MGMT: variants seen among roughly 807,000 people sequenced by gnomAD.
The protein encoded by MGMT is methylated-DNA--protein-cysteine methyltransferase.
In MGMT, 14 loss-of-function variants were observed where a neutral mutation model predicts 15.9. The ratio of observed to expected loss-of-function variants is 0.88; its 90% confidence interval spans 0.58 to 1.37. The LOEUF (loss-of-function observed/expected upper bound fraction) is 1.37, where lower values mean the gene tolerates loss of function less well. MGMT is among the 40% of genes most tolerant of loss of function. The probability of loss-of-function intolerance (pLI) is 0.00; values close to 1 mark genes in which losing one functional copy is unlikely to be tolerated. For missense variants in MGMT, 282 were observed against 268.1 expected (o/e 1.05, Z -0.36); for synonymous variants, 130 against 118.2 (o/e 1.10, Z -0.65).
intron 1 of MGMT, among the ~76,000 whole-genome samples, chr10:129,528,294 GC>G (rs763898701): frequency 9.9e-5 from 15 of 152,148 alleles, no homozygotes; most frequent in Non-Finnish European, 1.8e-4. Context: ...ACAAGGAGAA[GC>G]CTAGCCAGCC....
chr10:129,523,726 G>A (rs1415364889), intron 1 of MGMT, among the ~76,000 whole-genome samples: 1 of 150,094 alleles, frequency 6.7e-6, no homozygotes, highest in African/African-American at 2.5e-5. Context: ...TTAAAGGACA[G>A]CCACAGTCCT....
intron 2 of MGMT, among the ~76,000 whole-genome samples, chr10:129,550,368 G>A (rs1048800993): frequency 2.2e-5 from 3 of 136,834 alleles, no homozygotes; most frequent in Admixed American, 7.3e-5. Flanking sequence ...AGCCACCACC[G>A]CCACCCAGCA....
At chr10:129,514,996 T>C (rs1845722998) in intron 1 of MGMT, among the ~76,000 whole-genome samples, 1 of 152,078 alleles carries the variant, frequency 6.6e-6, no homozygotes, top group Non-Finnish European at 1.5e-5. Context: ...GTGTCAGGTA[T>C]TGGGGGTCAT....
At chr10:129,741,350 C>G (rs544035257) in intron 3 of MGMT, among the ~76,000 whole-genome samples, 3 of 152,278 alleles carry the variant, frequency 2.0e-5, no homozygotes, top group African/African-American at 7.2e-5. Flanking sequence ...ACGGCAACAC[C>G]CGGGAGGCTG....
At chr10:129,639,656 C>T (rs1041022415) in intron 2 of MGMT, among the ~76,000 whole-genome samples, 1 of 152,042 alleles carries the variant, frequency 6.6e-6, no homozygotes, top group Non-Finnish European at 1.5e-5. Flanking sequence ...AAAGCACAAC[C>T]TATCAAAAGC....
Position 129,767,001 on chromosome 10 carries a change from T to C in MGMT, c.*4T>C, listed in dbSNP as rs778524073. On this transcript the variant is annotated 3_prime_UTR_variant, in exon 5 of 5. Coordinates refer to ENST00000651593, the MANE Select transcript of MGMT (RefSeq NM_002412.5). ...CCCGCCTGCTGGCCGAAACTGAGTA[T>C]GTGCAGTAGGATGGATGTTTGAGCG... The C allele has an allele frequency of 1.9e-6, 3 of 1,586,958 alleles. No homozygotes were observed. Among genetic ancestry groups the C allele is most frequent in the Non-Finnish European group, 1.7e-6 (2 of 1,166,390 alleles).
intron 2 of MGMT, among the ~76,000 whole-genome samples, chr10:129,692,791 C>A (rs1324827314): frequency 6.6e-6 from 1 of 152,206 alleles, no homozygotes; most frequent in African/African-American, 2.4e-5. Context: ...GAGGTCACTT[C>A]ACATGTACAT....
intron 2 of MGMT, among the ~76,000 whole-genome samples, chr10:129,550,448 CTT>C (rs58863411): frequency 0.019 from 2,548 of 131,130 alleles, 28 homozygotes; most frequent in Non-Finnish European, 0.023. Flanking sequence ...TGTTTTGATT[CTT>C]TTTTTTTTTT....
At chr10:129,492,267 A>G (rs1365914639) in intron 1 of MGMT, among the ~76,000 whole-genome samples, 2 of 152,068 alleles carry the variant, frequency 1.3e-5, no homozygotes, top group Non-Finnish European at 1.5e-5. Context: ...CAGCCTGTAA[A>G]TGCTTTGGGA....
chr10:129,708,085 T>G, intron 3 of MGMT, 42 bp downstream of exon 3: 1 of 1,576,970 alleles, frequency 6.3e-7, no homozygotes, highest in Non-Finnish European at 8.6e-7. Context: ...TTGGGGAGCT[T>G]GACTTATTAA....
intron 2 of MGMT, among the ~76,000 whole-genome samples, chr10:129,581,239 G>A (rs576904461): frequency 6.6e-6 from 1 of 152,262 alleles, no homozygotes; most frequent in Admixed American, 6.5e-5. Flanking sequence ...CATCCGCTGT[G>A]GCTGAGTTCT....
At chr10:129,643,560 G>A (rs56350070) in intron 2 of MGMT, among the ~76,000 whole-genome samples, 3,922 of 152,206 alleles carry the variant, frequency 0.026, 81 homozygotes, top group South Asian at 0.061. Flanking sequence ...TCTTTCCAGC[G>A]GGGCGGGACA....
At chr10:129,635,627 C>T (rs769344339) in intron 2 of MGMT, among the ~76,000 whole-genome samples, 3 of 152,118 alleles carry the variant, frequency 2.0e-5, no homozygotes, top group Non-Finnish European at 4.4e-5. Context: ...TTGTAAGATA[C>T]ATAATTTAAA....
chr10:129,727,052 C>T lies in MGMT; in HGVS notation c.274+19009C>T, dbSNP rs1221536865. ...AAGTTGTGACATTTGGCCCAGGGTT[C>T]CCTGCTGAATTCTGAAATACCATGA... On this transcript the variant is annotated intron_variant, in intron 3 of 4. Transcript: ENST00000651593. 3.3e-5 allele frequency among the ~76,000 whole-genome samples: 5 copies of T among 152,148 alleles called. No homozygotes were observed. The East Asian group carries it at 9.6e-4, about 29-fold the overall frequency.
At chr10:129,589,284 A>G (rs1428628804) in intron 2 of MGMT, among the ~76,000 whole-genome samples, 1 of 152,198 alleles carries the variant, frequency 6.6e-6, no homozygotes, top group East Asian at 1.9e-4. Context: ...GCCAGGCCTC[A>G]AGCCGCCTGG....
At chr10:129,748,089 C>T (rs920664498) in intron 3 of MGMT, among the ~76,000 whole-genome samples, 1 of 152,188 alleles carries the variant, frequency 6.6e-6, no homozygotes, top group African/African-American at 2.4e-5. Flanking sequence ...CCCCTGCGTA[C>T]TGCACTCGTC....
chr10:129,671,835 A>G (rs905640851), intron 2 of MGMT, among the ~76,000 whole-genome samples: 1 of 152,234 alleles, frequency 6.6e-6, no homozygotes, highest in African/African-American at 2.4e-5. Flanking sequence ...GCATTCATGT[A>G]GAACTGTGTG....
At chr10:129,545,798 GT>G (rs1846092156) in intron 2 of MGMT, among the ~76,000 whole-genome samples, 1 of 152,136 alleles carries the variant, frequency 6.6e-6, no homozygotes, top group Admixed American at 6.5e-5. Flanking sequence ...TTTCAGTTTT[GT>G]TTTAAAAGTG....
chr10:129,650,311 G>A (rs1847442146), intron 2 of MGMT, among the ~76,000 whole-genome samples: 1 of 152,152 alleles, frequency 6.6e-6, no homozygotes, highest in South Asian at 2.1e-4. Context: ...TAAATCTGGT[G>A]TCTCTGTGGA....
Sources: gnomAD v4.1 joint callset for allele counts (sites outside exome capture counted in the v4.1 genomes callset) on GRCh38, gnomAD v4.1.1 for gene constraint, MANE v1.5 for transcripts, NCBI Gene and HGNC (gene_info 2026-07-23, HGNC 2026-07-21) for gene names.